Variants in TARS3 observed in about 807,000 individuals in gnomAD.
TARS3 encodes the protein threonyl-tRNA synthetase 3.
Under a neutral mutation model 103.5 loss-of-function variants are expected in TARS3, and 94 were observed. That is an observed-to-expected ratio of 0.91 (90% CI 0.77 to 1.08). The LOEUF (loss-of-function observed/expected upper bound fraction) is 1.08. TARS3 is among the 50% of genes least tolerant of loss of function. The probability of loss-of-function intolerance (pLI) is 0.00; values close to 1 mark genes in which losing one functional copy is unlikely to be tolerated. For missense variants in TARS3, 952 were observed against 995.2 expected, an observed-to-expected ratio of 0.96 and a Z score of 0.58; for synonymous variants, 416 against 355.4, an observed-to-expected ratio of 1.17 and a Z score of -1.92.
chr15:101,675,597 T>C lies in TARS3; in HGVS notation c.1788+3A>G, dbSNP rs779977657. 8.1e-6 allele frequency: 13 copies of C among 1,612,430 alleles called. No homozygotes were observed. In the Admixed American group the frequency reaches 2.2e-4, roughly 27 times the overall value. ...AAGAGGAAGCACAAGGTGTGTCTCT[T>C]ACCTTCTCAGCCTCATTCCACATCT... On this transcript the variant is annotated splice_donor_region_variant and intron_variant, in intron 13 of 18. Transcript: ENST00000335968.
intron 3 of TARS3, among the ~76,000 whole-genome samples, chr15:101,719,234 C>T (rs1596331664): frequency 6.6e-6 from 1 of 152,206 alleles, no homozygotes; most frequent in Non-Finnish European, 1.5e-5. Context: ...TCCAAGCACA[C>T]ACTTTGTGAT....
intron 6 of TARS3, among the ~76,000 whole-genome samples, chr15:101,706,254 C>T (rs1004823053): frequency 6.6e-6 from 1 of 152,182 alleles, no homozygotes; most frequent in Non-Finnish European, 1.5e-5. Context: ...TCCCAAAGTA[C>T]TGGGATTACA....
At chr15:101,655,199 G>A (rs536764421) in intron 18 of TARS3, among the ~76,000 whole-genome samples, 73 of 146,722 alleles carry the variant, frequency 5.0e-4, no homozygotes, top group African/African-American at 1.7e-3. Context: ...AAATGAGAGC[G>A]GGGAGCTCTT....
intron 16 of TARS3, among the ~76,000 whole-genome samples, chr15:101,660,237 G>A (rs927897242): frequency 6.6e-6 from 1 of 152,230 alleles, no homozygotes; most frequent in African/African-American, 2.4e-5. Flanking sequence ...TAAACTGCAT[G>A]AGCAGATGCT....
chr15:101,712,111 C>G (rs997679651), intron 4 of TARS3, 110 bp from the exon 5 acceptor site: 1 of 1,178,124 alleles, frequency 8.5e-7, no homozygotes, highest in Non-Finnish European at 1.2e-6. Context: ...ATGGCAAGAC[C>G]AAGGGCAGCA....
chr15:101,704,660 AT>A (rs1899459496), intron 7 of TARS3, among the ~76,000 whole-genome samples: 2 of 144,320 alleles, frequency 1.4e-5, no homozygotes, highest in African/African-American at 5.0e-5. Flanking sequence ...ATCTCAAAAA[AT>A]TAAAAAAAAA....
chr15:101,656,153 T>G, intron 18 of TARS3: 3 of 894,876 alleles, frequency 3.4e-6, no homozygotes, highest in Non-Finnish European at 3.2e-6. Flanking sequence ...GTTTGGCTAT[T>G]TAATTCTACC....
In TARS3 at chr15:101,724,416, G is replaced by A; in HGVS notation, c.-29C>T. 1.4e-6 allele frequency: 2 copies of A among 1,379,842 alleles called. No individual in the cohort carries two copies. The highest frequency in any genetic ancestry group is 1.9e-6 in the Non-Finnish European group (2 of 1,073,870). 85.5% of individuals were successfully genotyped at this position (1,379,842 alleles called of 1,614,324 possible). ...GGCCTCCCTCAGGCACCGACGCCGA[G>A]CGGGGTGCCCGCGACTGCGGCGAGG... On this transcript the variant is annotated 5_prime_UTR_variant, in exon 1 of 19. Transcript: ENST00000335968.
Position 101,675,471 on chromosome 15 carries a change from T to A in TARS3, c.1788+129A>T, listed in dbSNP as rs1318400028. The A allele has an allele frequency of 4.9e-6, 4 of 814,498 alleles. No homozygotes were observed. In the East Asian group the frequency reaches 7.4e-5, roughly 15 times the overall value. The allele number at this position is 814,498 out of a possible 1,614,324, so 50.5% of individuals were successfully genotyped here. A position where few individuals can be genotyped will look rare whatever the true frequency, so the allele number is the denominator to read the frequency against. ...GGATAACCACATTCTACAACCTATA[T>A]ATCTATCTCATAATTTCCAGGTTCA... On this transcript the variant is annotated intron_variant, in intron 13 of 18. Coordinates refer to ENST00000335968, the MANE Select transcript of TARS3 (RefSeq NM_152334.3).
chr15:101,667,761 T>C (rs1433292477), intron 15 of TARS3, among the ~76,000 whole-genome samples: 1 of 152,076 alleles, frequency 6.6e-6, no homozygotes, highest in Non-Finnish European at 1.5e-5. Flanking sequence ...ATTTTTGTAT[T>C]TTTAGTAGAG....
chr15:101,710,958 G>T (rs1217227507), intron 5 of TARS3, among the ~76,000 whole-genome samples: 2 of 152,128 alleles, frequency 1.3e-5, no homozygotes, highest in African/African-American at 4.8e-5. Flanking sequence ...AGGTACCCTA[G>T]GAGCTATGAG....
intron 10 of TARS3, among the ~76,000 whole-genome samples, chr15:101,687,588 C>G (rs1287519666): frequency 2.0e-5 from 3 of 151,960 alleles, no homozygotes; most frequent in African/African-American, 7.3e-5. Context: ...AAGTCTAGCT[C>G]AGGAGATACT....
At chr15:101,700,159 A>C (rs1162347958) in intron 10 of TARS3, among the ~76,000 whole-genome samples, 1 of 152,212 alleles carries the variant, frequency 6.6e-6, no homozygotes, top group Non-Finnish European at 1.5e-5. Flanking sequence ...GTAAATGAAA[A>C]ATTTAGGTAA....
chr15:101,668,590 C>A (rs1211757625), intron 15 of TARS3, among the ~76,000 whole-genome samples: 2 of 152,172 alleles, frequency 1.3e-5, no homozygotes, highest in Non-Finnish European at 2.9e-5. Flanking sequence ...ATGGCACTGA[C>A]AGACTTGCTT....
intron 18 of TARS3, 98 bp downstream of exon 18, chr15:101,656,824 A>C: frequency 1.4e-6 from 1 of 728,050 alleles, no homozygotes; most frequent in Non-Finnish European, 2.3e-6. Context: ...TAGACAAATC[A>C]TGATAATCAA....
intron 10 of TARS3, among the ~76,000 whole-genome samples, chr15:101,693,976 C>T (rs1019466857): frequency 6.6e-6 from 1 of 151,706 alleles, no homozygotes; most frequent in Non-Finnish European, 1.5e-5. Context: ...TAACACAGTT[C>T]TGCATGTTAT....
chr15:101,689,612 T>C (rs1255035751), intron 10 of TARS3, among the ~76,000 whole-genome samples: 1 of 152,068 alleles, frequency 6.6e-6, no homozygotes, highest in Non-Finnish European at 1.5e-5. Context: ...AGGATGGGAA[T>C]GACGCTTCAA....
chr15:101,698,312 G>A (rs1899083473), intron 10 of TARS3, among the ~76,000 whole-genome samples: 1 of 151,828 alleles, frequency 6.6e-6, no homozygotes, highest in African/African-American at 2.4e-5. Flanking sequence ...CAACCTGGGC[G>A]ACACAGCGAG....
intron 4 of TARS3, among the ~76,000 whole-genome samples, chr15:101,712,436 AC>A (rs1899914745): frequency 6.6e-6 from 1 of 152,202 alleles, no homozygotes; most frequent in South Asian, 2.1e-4. Context: ...GACACAGAGC[AC>A]TGAAGTGTTC....
Sources: allele counts gnomAD v4.1 joint callset (sites outside exome capture counted in the v4.1 genomes callset), GRCh38; gene constraint gnomAD v4.1.1; transcripts MANE v1.5; gene names NCBI Gene and HGNC (gene_info 2026-07-23, HGNC 2026-07-21).